Variants in ARHGAP44 observed in about 807,000 individuals in gnomAD.
ARHGAP44 encodes the protein Rho GTPase activating protein 44.
In ARHGAP44, 43 loss-of-function variants were observed where a neutral mutation model predicts 106.8. The observed-to-expected ratio is 0.40, with a 90% CI of 0.32 to 0.52. The LOEUF (loss-of-function observed/expected upper bound fraction) is 0.52. Among genes scored for constraint, ARHGAP44 ranks in the 20% least tolerant of loss-of-function variants. ARHGAP44 has a pLI of 0.48. For synonymous variants in ARHGAP44, 439 were observed against 410.3 expected (o/e 1.07, Z -0.85); for missense variants, 866 against 1,050.5 (o/e 0.82, Z 2.43).
rs1023853243 is a variant in ARHGAP44 at position 12,852,428 on chromosome 17, T to C, written c.54-42512T>C. 1.1e-3 allele frequency among the ~76,000 whole-genome samples: 160 copies of C among 151,120 alleles called. 2 individuals are homozygous for C. Among genetic ancestry groups the C allele is most frequent in the African/African-American group, 3.4e-3 (141 of 41,300 alleles). On this transcript the variant is annotated intron_variant, in intron 1 of 20. Coordinates refer to ENST00000379672, the MANE Select transcript of ARHGAP44 (RefSeq NM_014859.6). ...TTTTCCCAGGGGCTTGTCTATTTTA[T>C]GTTTTTTTGAAGAACCTCTATTAGT...
chr17:12,868,103 CTCTT>C (rs1338793390), intron 1 of ARHGAP44, among the ~76,000 whole-genome samples: 1 of 152,146 alleles, frequency 6.6e-6, no homozygotes, highest in Non-Finnish European at 1.5e-5. Flanking sequence ...GCTACAAAGA[CTCTT>C]TCCTCCTATT....
chr17:12,845,227 C>T (rs1041229286), intron 1 of ARHGAP44, among the ~76,000 whole-genome samples: 9 of 151,824 alleles, frequency 5.9e-5, no homozygotes, highest in African/African-American at 1.7e-4. Flanking sequence ...AAAATCATCT[C>T]GGCTGGGTGC....
chr17:12,878,455 G>T (rs2036623414), intron 1 of ARHGAP44, among the ~76,000 whole-genome samples: 1 of 151,906 alleles, frequency 6.6e-6, no homozygotes, highest in Non-Finnish European at 1.5e-5. Context: ...AGTTTAAAAA[G>T]ATATGACTTG....
chr17:12,885,358 A>G (rs1458756548), intron 1 of ARHGAP44, among the ~76,000 whole-genome samples: 2 of 149,700 alleles, frequency 1.3e-5, no homozygotes, highest in Admixed American at 1.3e-4. Context: ...TGTGTAACAT[A>G]AATGTTCTTT....
At chr17:12,824,577 T>C (rs1029576466) in intron 1 of ARHGAP44, among the ~76,000 whole-genome samples, 2 of 152,122 alleles carry the variant, frequency 1.3e-5, no homozygotes, top group African/African-American at 4.8e-5. Flanking sequence ...TTCTAATTCA[T>C]CATTTGATAC....
chr17:12,952,979 T>G (rs780469175), intron 13 of ARHGAP44, among the ~76,000 whole-genome samples: 1 of 151,952 alleles, frequency 6.6e-6, no homozygotes, highest in Non-Finnish European at 1.5e-5. Flanking sequence ...GATAAGGAAA[T>G]GGACTCAAAG....
At chr17:12,917,895 T>C (rs2037964374) in intron 5 of ARHGAP44, among the ~76,000 whole-genome samples, 1 of 152,196 alleles carries the variant, frequency 6.6e-6, no homozygotes, top group Non-Finnish European at 1.5e-5. Flanking sequence ...CCCTAGACCC[T>C]GTCTGGCTTC....
intron 1 of ARHGAP44, among the ~76,000 whole-genome samples, chr17:12,843,688 G>A (rs1219840430): frequency 3.3e-5 from 4 of 120,794 alleles, no homozygotes; most frequent in Admixed American, 1.1e-4. Context: ...ATGGAGTTTC[G>A]TCTGTCACCC....
Position 12,820,996 on chromosome 17 carries a change from C to G in ARHGAP44, c.53+31105C>G, listed in dbSNP as rs745958220. Among the ~76,000 whole-genome samples, 57 of 152,062 alleles carry G rather than the reference C, an allele frequency of 3.7e-4. 1 individual carries two copies. The highest frequency in any genetic ancestry group is 2.6e-4 in the Non-Finnish European group (18 of 68,014). On this transcript the variant is annotated intron_variant, in intron 1 of 20. Transcript: ENST00000379672. ...AAAGGTTTTAACTGTAGTTAACTGC[C>G]CTAATCTTTATGCTTTTCCAAATAT...
At chr17:12,959,755 A>AC (rs370260726) in intron 16 of ARHGAP44, among the ~76,000 whole-genome samples, 30 of 152,244 alleles carry the variant, frequency 2.0e-4, no homozygotes, top group African/African-American at 6.0e-4. Flanking sequence ...ATTAAAAATT[A>AC]CTACTGTAAA....
At chr17:12,882,137 A>C (rs775275694) in intron 1 of ARHGAP44, among the ~76,000 whole-genome samples, 3 of 152,180 alleles carry the variant, frequency 2.0e-5, no homozygotes, top group African/African-American at 7.2e-5. Flanking sequence ...TATACACTGT[A>C]TCTCTCCATT....
chr17:12,930,152 G>A (rs1296956749), intron 7 of ARHGAP44, among the ~76,000 whole-genome samples: 6 of 152,204 alleles, frequency 3.9e-5, no homozygotes, highest in Non-Finnish European at 5.9e-5. Context: ...AATATCTGGC[G>A]TGTGTGGTAT....
chr17:12,956,719 C>G lies in ARHGAP44; in HGVS notation c.1315C>G (p.Gln439Glu), dbSNP rs752887888. 13 of 1,614,166 alleles carry G rather than the reference C, an allele frequency of 8.1e-6. No individual in the cohort carries two copies. Among genetic ancestry groups the G allele is most frequent in the Non-Finnish European group, 1.1e-5 (13 of 1,180,016 alleles). ...TGTTGGGATCATTGAACCTATCATCCAGCATGCAGACTGGTTCTTCCCTGG... is the reference window on the plus strand; with the variant it reads ...TGTTGGGATCATTGAACCTATCATCGAGCATGCAGACTGGTTCTTCCCTGG... Reference protein sequence around the residue: ...QIVGIIEPIIQHADWFFPGEI... With the variant: ...QIVGIIEPIIEHADWFFPGEI... The change falls in exon 15 of 21, where the codon CAG becomes GAG. Residue 439 changes from glutamine to glutamate, a missense_variant. Around this residue, in one of 2 missense-constraint regions of ARHGAP44, gnomAD observed 448 missense variants for 646.9 expected, o/e 0.69. Coordinates refer to ENST00000379672, the MANE Select transcript of ARHGAP44 (RefSeq NM_014859.6).
intron 1 of ARHGAP44, among the ~76,000 whole-genome samples, chr17:12,830,271 CT>C: frequency 6.6e-6 from 1 of 152,182 alleles, no homozygotes; most frequent in East Asian, 1.9e-4. Context: ...AGAAAATTAT[CT>C]TTTTGGGTAC....
At chr17:12,925,465 A>G (rs543053801) in intron 6 of ARHGAP44, among the ~76,000 whole-genome samples, 84 of 152,336 alleles carry the variant, frequency 5.5e-4, no homozygotes, top group African/African-American at 1.6e-3. Context: ...GAATGCCCCA[A>G]TGAAGACACT....
At chr17:12,819,967 T>G (rs1227722046) in intron 1 of ARHGAP44, among the ~76,000 whole-genome samples, 2 of 152,144 alleles carry the variant, frequency 1.3e-5, no homozygotes, top group Middle Eastern at 6.3e-3. Context: ...TGTGTCCTAT[T>G]GAAGAAATCA....
chr17:12,852,642 C>T (rs201509731), intron 1 of ARHGAP44, among the ~76,000 whole-genome samples: 23 of 150,976 alleles, frequency 1.5e-4, no homozygotes, highest in Non-Finnish European at 2.4e-4. Context: ...CCTGGGTTCA[C>T]GCCGTTCTCC....
chr17:12,933,251 T>A (rs893669571), intron 7 of ARHGAP44, among the ~76,000 whole-genome samples: 2 of 152,236 alleles, frequency 1.3e-5, no homozygotes, highest in African/African-American at 4.8e-5. Flanking sequence ...GTTTGGGATC[T>A]CCTATATTGT....
intron 7 of ARHGAP44, among the ~76,000 whole-genome samples, chr17:12,935,898 C>G (rs151107118): frequency 2.7e-4 from 41 of 152,230 alleles, no homozygotes; most frequent in Non-Finnish European, 4.6e-4. Flanking sequence ...ATAAGCCAAA[C>G]AAATCAGAAG....
Sources: allele counts gnomAD v4.1 joint callset (sites outside exome capture counted in the v4.1 genomes callset), GRCh38; gene constraint gnomAD v4.1.1; regional missense constraint gnomAD v4.1.1; transcripts MANE v1.5; gene names NCBI Gene and HGNC (gene_info 2026-07-23, HGNC 2026-07-21).